Variants in CCDC171 observed in about 807,000 individuals in gnomAD.
The protein encoded by CCDC171 is coiled-coil domain containing 171.
A neutral mutation model predicts 168.2 loss-of-function variants in CCDC171; 177 were observed. The ratio of observed to expected loss-of-function variants is 1.05; its 90% CI spans 0.93 to 1.19. The LOEUF (loss-of-function observed/expected upper bound fraction) is 1.19, where lower values mean the gene tolerates loss of function less well. Among genes scored for constraint, CCDC171 ranks in the 50% most tolerant of loss-of-function variants. The pLI, the probability that CCDC171 is intolerant of heterozygous loss-of-function variation, is 0.00. For synonymous variants in CCDC171, 687 were observed against 540.8 expected, an observed-to-expected ratio of 1.27 and a Z score of -3.75; for missense variants, 1,991 against 1,539.0, an observed-to-expected ratio of 1.29 and a Z score of -4.91.
intron 25 of CCDC171, among the ~76,000 whole-genome samples, chr9:15,953,506 T>C (rs1192859727): frequency 6.6e-6 from 1 of 152,180 alleles, no homozygotes. Flanking sequence ...TGTTGAGCTC[T>C]CCTTGCATCC....
At position 15,720,659 on chromosome 9, in the gene CCDC171, A is replaced by G. The variant is rs185460756; in HGVS notation, c.1319-1110A>G. Among the ~76,000 whole-genome samples, 2 of 152,344 alleles carry G rather than the reference A, an allele frequency of 1.3e-5. 1 individual carries two copies. Among genetic ancestry groups the G allele is most frequent in the East Asian group, 3.9e-4 (2 of 5,192 alleles). On this transcript the variant is annotated intron_variant, in intron 11 of 25. Coordinates refer to ENST00000380701, the MANE Select transcript of CCDC171 (RefSeq NM_173550.4). ...ATTTGCTACTTGCTTTTTAACACTTAAAGAATAGTGCAATCAACAATCAAT... is the reference window on the plus strand; with the variant it reads ...ATTTGCTACTTGCTTTTTAACACTTGAAGAATAGTGCAATCAACAATCAAT...
At chr9:15,860,936 A>ATGTGAGTGTGTGTG (rs2061530109) in intron 23 of CCDC171, among the ~76,000 whole-genome samples, 1 of 144,178 alleles carries the variant, frequency 6.9e-6, no homozygotes, top group Non-Finnish European at 1.5e-5. Context: ...GTTGTTAGGG[A>ATGTGAGTGTGTGTG]TGTGTGTGTG....
chr9:15,753,853 A>G (rs2055920055), intron 18 of CCDC171, among the ~76,000 whole-genome samples: 1 of 152,186 alleles, frequency 6.6e-6, no homozygotes, highest in African/African-American at 2.4e-5. Flanking sequence ...GAATATTGGA[A>G]GGAATATGGT....
chr9:15,710,112 T>A (rs1167543701), intron 11 of CCDC171, among the ~76,000 whole-genome samples: 1 of 152,140 alleles, frequency 6.6e-6, no homozygotes, highest in Non-Finnish European at 1.5e-5. Context: ...AAAAATGAAG[T>A]CTTTTAAAAA....
At chr9:15,571,260 A>G (rs2040200430) in intron 2 of CCDC171, among the ~76,000 whole-genome samples, 2 of 152,030 alleles carry the variant, frequency 1.3e-5, no homozygotes, top group Admixed American at 1.3e-4. Context: ...TTTTTGTATT[A>G]TGTATTACAT....
At chr9:15,914,253 C>T (rs1277443825) in intron 24 of CCDC171, among the ~76,000 whole-genome samples, 1 of 152,154 alleles carries the variant, frequency 6.6e-6, no homozygotes, top group Non-Finnish European at 1.5e-5. Flanking sequence ...CAGCTGCCCC[C>T]CTTCCCCCAG....
intron 25 of CCDC171, among the ~76,000 whole-genome samples, chr9:15,963,265 G>A (rs1830512918): frequency 6.6e-6 from 1 of 151,954 alleles, no homozygotes; most frequent in Non-Finnish European, 1.5e-5. Context: ...ACACCATCAT[G>A]GCACATGTAT....
chr9:15,804,250 C>A (rs2058969174), intron 21 of CCDC171, among the ~76,000 whole-genome samples: 2 of 152,032 alleles, frequency 1.3e-5, no homozygotes, highest in Admixed American at 1.3e-4. Context: ...TTGCCCTGGC[C>A]AGACTTTCAA....
At chr9:15,758,505 G>A (rs1244392774) in intron 18 of CCDC171, among the ~76,000 whole-genome samples, 1 of 152,176 alleles carries the variant, frequency 6.6e-6, no homozygotes, top group Non-Finnish European at 1.5e-5. Flanking sequence ...TGTCTCAGAT[G>A]AGACTTTGGA....
intron 16 of CCDC171, among the ~76,000 whole-genome samples, chr9:15,741,842 A>C (rs1218860367): frequency 1.3e-5 from 2 of 152,170 alleles, no homozygotes; most frequent in South Asian, 2.1e-4. Flanking sequence ...GTGTTCTTGC[A>C]TTGCTCCGGA....
intron 23 of CCDC171, among the ~76,000 whole-genome samples, chr9:15,867,813 G>A (rs1389684688): frequency 6.6e-6 from 1 of 152,008 alleles, no homozygotes; most frequent in Non-Finnish European, 1.5e-5. Flanking sequence ...AAATATATCT[G>A]TGTGGATGAG....
In CCDC171 at chr9:16,007,671, A is replaced by G. The variant is rs899294985; in HGVS notation, n.369-12918A>G. On this transcript the variant is annotated intron_variant and non_coding_transcript_variant, in intron 3 of 9. Coordinates refer to the CCDC171 transcript ENST00000486641. ...CATATGGCTAGCCAGTTTTCCCAGC[A>G]CCATTTATTAATAGGGAATCCTTTC... 2.0e-5 allele frequency among the ~76,000 whole-genome samples: 3 copies of G among 152,262 alleles called. No homozygotes were observed. In the East Asian group the frequency reaches 5.8e-4, roughly 29 times the overall value.
rs539683395 is a variant in CCDC171 at position 15,768,204 on chromosome 9, A to C, written c.2672-9396A>C. Among the ~76,000 whole-genome samples, 1,162 of 150,970 alleles carry C rather than the reference A, an allele frequency of 7.7e-3. 12 individuals are homozygous for C. Among genetic ancestry groups the C allele is most frequent in the African/African-American group, 0.027 (1,104 of 41,098 alleles). The stretch of plus-strand genomic sequence containing the variant: ...CCTATGAGTTTCCTAAAAAAAAAAA[A>C]CCCTAAAATTCAGCATATTCAAATT... On this transcript the variant is annotated intron_variant, in intron 18 of 25. Coordinates refer to ENST00000380701, the MANE Select transcript of CCDC171 (RefSeq NM_173550.4).
intron 24 of CCDC171, among the ~76,000 whole-genome samples, chr9:15,912,238 G>A (rs184705383): frequency 4.5e-4 from 68 of 152,244 alleles, no homozygotes; most frequent in African/African-American, 1.6e-3. Flanking sequence ...GCGGTGGTTT[G>A]TAGTTCTCCT....
chr9:15,569,856 A>T (rs925555008), intron 2 of CCDC171, among the ~76,000 whole-genome samples: 2 of 149,724 alleles, frequency 1.3e-5, no homozygotes, highest in Non-Finnish European at 3.0e-5. Context: ...CAAAAAAAAA[A>T]TTTCTATTTT....
chr9:15,990,302 A>G (rs901114256), intron 3 of CCDC171, among the ~76,000 whole-genome samples: 3 of 152,206 alleles, frequency 2.0e-5, no homozygotes, highest in African/African-American at 7.2e-5. Flanking sequence ...TTTTCAACCC[A>G]GAATTTCATA....
chr9:16,055,175 G>C, intron 1 of CCDC171, among the ~76,000 whole-genome samples: 1 of 152,218 alleles, frequency 6.6e-6, no homozygotes, highest in South Asian at 2.1e-4. Flanking sequence ...TATGGAGATG[G>C]GGGAACTGTA....
chr9:15,564,138 C>A lies in CCDC171; in HGVS notation c.41+9C>A. On this transcript the variant is annotated intron_variant, in intron 2 of 25. Coordinates refer to ENST00000380701, the MANE Select transcript of CCDC171 (RefSeq NM_173550.4). ...ACTGGTGATACCCAAAGGTAAGCCT[C>A]TAGTCTCTTCTTTTAGTTGATGAAC... The A allele has an allele frequency of 6.3e-7, 1 of 1,599,188 alleles. No homozygotes were observed. The highest frequency in any genetic ancestry group is 8.5e-7 in the Non-Finnish European group (1 of 1,171,582).
intron 9 of CCDC171, among the ~76,000 whole-genome samples, chr9:15,676,465 C>A (rs906824411): frequency 2.6e-5 from 4 of 151,848 alleles, no homozygotes; most frequent in South Asian, 4.2e-4. Flanking sequence ...AATCACCCAT[C>A]TTCTGCGTTG....
Sources: gnomAD v4.1 joint callset for allele counts (sites outside exome capture counted in the v4.1 genomes callset) on GRCh38, gnomAD v4.1.1 for gene constraint, MANE v1.5 for transcripts, NCBI Gene and HGNC (gene_info 2026-07-23, HGNC 2026-07-21) for gene names.